TC2N: variants seen among roughly 807,000 people sequenced by gnomAD.
TC2N encodes tandem C2 domains nuclear protein.
TC2N carries 51 observed loss-of-function variants against 61.9 expected under a neutral mutation model. The ratio of observed to expected loss-of-function variants is 0.82; its 90% CI spans 0.66 to 1.04. TC2N has a LOEUF of 1.04. Ranked by LOEUF, TC2N falls within the 50% of genes least tolerant of loss-of-function variation. The pLI is 0.00. For missense variants in TC2N, 556 were observed against 566.7 expected, an observed-to-expected ratio of 0.98 and a Z score of 0.19; for synonymous variants, 204 against 192.6, an observed-to-expected ratio of 1.06 and a Z score of -0.49.
At chr14:91,864,562 CA>C (rs1391637616) in intron 1 of TC2N, among the ~76,000 whole-genome samples, 4 of 152,164 alleles carry the variant, frequency 2.6e-5, no homozygotes, top group African/African-American at 9.7e-5. Flanking sequence ...ATGTCAAATT[CA>C]TTCTGAGTAG....
At chr14:91,808,211 T>C (rs1886603976) in intron 3 of TC2N, among the ~76,000 whole-genome samples, 1 of 152,196 alleles carries the variant, frequency 6.6e-6, no homozygotes, top group South Asian at 2.1e-4. Context: ...TTTTAACTTT[T>C]ATACCATATT....
intron 1 of TC2N, among the ~76,000 whole-genome samples, chr14:91,860,151 C>A (rs1470105978): frequency 3.3e-5 from 5 of 152,066 alleles, no homozygotes; most frequent in Admixed American, 6.5e-5. Flanking sequence ...CTCCATACAC[C>A]ATTTCCAAAG....
Position 91,782,209 on chromosome 14 carries a change from A to C in TC2N, c.*891T>G, listed in dbSNP as rs1885163216. ...ATAATCAGGTATGGTTATGAAAAAA[A>C]TGAGAAAATACTCAAACACGGTAAA... On this transcript the variant is annotated 3_prime_UTR_variant, in exon 12 of 12. Coordinates refer to ENST00000435962, the MANE Select transcript of TC2N (RefSeq NM_001128596.3). 1 of 152,058 alleles carries C rather than the reference A, an allele frequency of 6.6e-6. No individual in the cohort carries two copies. Among genetic ancestry groups the C allele is most frequent in the Admixed American group, 6.6e-5 (1 of 15,256 alleles). The allele number at this position is 152,058 out of a possible 1,614,324, so 9.4% of individuals were successfully genotyped here. A position where few individuals can be genotyped will look rare whatever the true frequency, so the allele number is the denominator to read the frequency against.
At position 91,792,570 on chromosome 14, in the gene TC2N, A is replaced by AC. The variant is rs534150966; in HGVS notation, c.856-13_856-12insG. 2.2e-6 allele frequency: 3 copies of AC among 1,360,164 alleles called. No individual in the cohort carries two copies. The highest frequency in any genetic ancestry group is 3.0e-6 in the Non-Finnish European group (3 of 996,462). 84.3% of individuals were successfully genotyped at this position (1,360,164 alleles called of 1,614,324 possible). On this transcript the variant is annotated splice_polypyrimidine_tract_variant and intron_variant, in intron 8 of 11. Coordinates refer to ENST00000435962, the MANE Select transcript of TC2N (RefSeq NM_001128596.3). The stretch of plus-strand genomic sequence containing the variant: ...ATAAATTCAATAGCCTTAAAAAAAA[A>AC]ACAAGAAAACATAAAATATATAAAT...
At chr14:91,844,564 C>A (rs1888228548) in intron 1 of TC2N, among the ~76,000 whole-genome samples, 1 of 151,918 alleles carries the variant, frequency 6.6e-6, no homozygotes, top group Non-Finnish European at 1.5e-5. Context: ...GAGATCAAGA[C>A]CATCCTGGCC....
chr14:91,784,703 T>C (rs1885278907), intron 11 of TC2N, among the ~76,000 whole-genome samples: 1 of 152,148 alleles, frequency 6.6e-6, no homozygotes, highest in Admixed American at 6.5e-5. Context: ...ATTAACTAAA[T>C]AATATCACAA....
intron 1 of TC2N, among the ~76,000 whole-genome samples, chr14:91,860,358 C>A (rs1359487231): frequency 1.3e-5 from 2 of 151,646 alleles, no homozygotes; most frequent in African/African-American, 4.8e-5. Context: ...TTGGATTAAC[C>A]TTTATACAAA....
In TC2N at chr14:91,812,173, GTTC is replaced by G. The variant is rs1886797461; in HGVS notation, c.301+136_301+138del. On this transcript the variant is annotated intron_variant, in intron 3 of 11. Coordinates refer to ENST00000435962, the MANE Select transcript of TC2N (RefSeq NM_001128596.3). ...ACCTTTCAAAACTACTGTACATTAA[GTTC>G]TTCTACAGAAAGAGCAAAATATAAA... 3 of 393,196 alleles carry G rather than the reference GTTC, an allele frequency of 7.6e-6. 1 individual carries two copies. In the South Asian group the frequency reaches 2.5e-4, roughly 33 times the overall value. The allele number at this position is 393,196 out of a possible 1,614,324, so 24.4% of individuals were successfully genotyped here.
intron 9 of TC2N, among the ~76,000 whole-genome samples, chr14:91,789,001 C>T (rs1250188359): frequency 6.6e-6 from 1 of 151,656 alleles, no homozygotes; most frequent in Non-Finnish European, 1.5e-5. Flanking sequence ...AATTGCTGTC[C>T]TTGGCATTTA....
Position 91,797,860 on chromosome 14 carries a change from A to T in TC2N, c.780T>A (p.Pro260=). 1.9e-6 allele frequency: 3 copies of T among 1,609,896 alleles called. No individual in the cohort carries two copies. The highest frequency in any genetic ancestry group is 2.5e-6 in the Non-Finnish European group (3 of 1,177,714). The part of the protein sequence containing the change: ...LSWPSSYGDT[P]TVSIKGILTL... ...TAAGTATTCCTTTTATAGAAACAGT[A>T]GGAGTGTCTCCATAACTAGAGGGCC... The change falls in exon 8 of 12, where the codon CCT becomes CCA. Residue 260 remains proline, a synonymous_variant. Transcript: ENST00000435962.
At chr14:91,792,901 C>T (rs1249758836) in intron 8 of TC2N, among the ~76,000 whole-genome samples, 4 of 152,168 alleles carry the variant, frequency 2.6e-5, no homozygotes, top group African/African-American at 9.7e-5. Context: ...CATTCTTCAA[C>T]AGTTCAGGAG....
At chr14:91,802,510 A>T in intron 3 of TC2N, 89 bp from the exon 4 acceptor site, 1 of 1,200,082 alleles carries the variant, frequency 8.3e-7, no homozygotes, top group Non-Finnish European at 1.2e-6. Flanking sequence ...AAGAAAAAAT[A>T]TTTTGTCTCA....
At position 91,833,670 on chromosome 14, in the gene TC2N, T is replaced by C. The variant is rs867262749; in HGVS notation, c.-56-19845A>G. Among the ~76,000 whole-genome samples, 17 of 152,288 alleles carry C rather than the reference T, an allele frequency of 1.1e-4. No individual in the cohort carries two copies. In the Middle Eastern group the frequency reaches 0.01, roughly 91 times the overall value. On this transcript the variant is annotated intron_variant, in intron 1 of 11. Coordinates refer to ENST00000435962, the MANE Select transcript of TC2N (RefSeq NM_001128596.3). ...CCACTGATGTGTTTTTCCATCACAT[T>C]AGTTTGCATTTTCTAGAATTTTATT...
At chr14:91,853,528 T>C (rs149479975) in intron 1 of TC2N, among the ~76,000 whole-genome samples, 137 of 152,206 alleles carry the variant, frequency 9.0e-4, no homozygotes, top group African/African-American at 3.3e-3. Flanking sequence ...GATGTCAGAA[T>C]TAGAAAAGGA....
At chr14:91,810,792 GA>G in intron 3 of TC2N, among the ~76,000 whole-genome samples, 1 of 150,794 alleles carries the variant, frequency 6.6e-6, no homozygotes, top group Non-Finnish European at 1.5e-5. Flanking sequence ...GCAGGCTAAA[GA>G]TAACAGACGA....
chr14:91,792,559 CT>C lies in TC2N; in HGVS notation c.856-2del, dbSNP rs749435570. Reference sequence around the variant, plus strand: ...CAAACGTTTCCATAAATTCAATAGCCTTAAAAAAAAAACAAGAAAACATAAA... The same window carrying C: ...CAAACGTTTCCATAAATTCAATAGCCTAAAAAAAAAACAAGAAAACATAAA... On this transcript the variant is annotated splice_acceptor_variant, in intron 8 of 11. Transcript: ENST00000435962. LOFTEE classifies it high-confidence loss of function. 1.0e-5 allele frequency: 15 copies of C among 1,436,382 alleles called. No individual in the cohort carries two copies. In the African/African-American group the frequency reaches 1.6e-4, roughly 15 times the overall value. The allele number at this position is 1,436,382 out of a possible 1,614,324, so 89.0% of individuals were successfully genotyped here.
rs1349394971 is a variant in TC2N, at chr14:91,803,090, T to C, written c.302-669A>G. On this transcript the variant is annotated intron_variant, in intron 3 of 11. Coordinates refer to ENST00000435962, the MANE Select transcript of TC2N (RefSeq NM_001128596.3). ...GGCCTAGAAATAGACACCCGTTTCA[T>C]GAACACTTACTTTATAATTAAGGTG... 2.6e-5 allele frequency among the ~76,000 whole-genome samples: 4 copies of C among 152,094 alleles called. 1 individual carries two copies. The East Asian group carries it at 7.7e-4, about 29-fold the overall frequency.
At chr14:91,785,770 C>A (rs902046119) in intron 10 of TC2N, among the ~76,000 whole-genome samples, 1 of 152,014 alleles carries the variant, frequency 6.6e-6, no homozygotes, top group Non-Finnish European at 1.5e-5. Flanking sequence ...TATATGCCCA[C>A]TAGATAAAAT....
intron 1 of TC2N, among the ~76,000 whole-genome samples, chr14:91,850,056 A>G (rs2139917337): frequency 6.6e-6 from 1 of 152,128 alleles, no homozygotes; most frequent in African/African-American, 2.4e-5. Flanking sequence ...TCTCAAAAAA[A>G]AAAAAAAAAA....
Sources: allele counts gnomAD v4.1 joint callset (sites outside exome capture counted in the v4.1 genomes callset), GRCh38; gene constraint gnomAD v4.1.1; transcripts MANE v1.5; gene names NCBI Gene and HGNC (gene_info 2026-07-23, HGNC 2026-07-21).